Variants in G6PC2 observed in about 807,000 individuals in gnomAD.
The protein encoded by G6PC2 is glucose-6-phosphatase catalytic subunit 2.
G6PC2 carries 41 observed loss-of-function variants against 35.4 expected under a neutral mutation model. That is an observed-to-expected ratio of 1.16 (90% CI 0.90 to 1.50). The LOEUF is 1.50. G6PC2 is among the 40% of genes most tolerant of loss of function. The probability of loss-of-function intolerance (pLI) is 0.00; values close to 1 mark genes in which losing one functional copy is unlikely to be tolerated. For missense variants in G6PC2, 441 were observed against 426.5 expected (o/e 1.03, Z -0.30); for synonymous variants, 165 against 153.2 (o/e 1.08, Z -0.57).
chr2:168,907,772 C>G lies in G6PC2; in HGVS notation c.761C>G (p.Thr254Arg). 1 of 1,614,074 alleles carries G rather than the reference C, an allele frequency of 6.2e-7. No individual in the cohort carries two copies. The highest frequency in any genetic ancestry group is 2.2e-5 in the East Asian group (1 of 44,864). Residue 254 changes from threonine to arginine, a missense_variant, in exon 5 of 5, where the codon ACG becomes AGG. Thr to Arg is a moderately conservative substitution (Grantham distance 71). Transcript: ENST00000375363. ...CCCGACTGGATCCACATTGACACCACGCCTTTTGCTGGACTCGTGAGAAAC... is the reference window on the plus strand; with the variant it reads ...CCCGACTGGATCCACATTGACACCAGGCCTTTTGCTGGACTCGTGAGAAAC... ...ANPDWIHIDT[T>R]PFAGLVRNLG...
Position 168,906,689 on chromosome 2 carries a change from G to GT in G6PC2, c.472dup (p.Trp158LeufsTer37), listed in dbSNP as rs1215665817. On this transcript the variant is annotated frameshift_variant, in exon 4 of 5. Transcript: ENST00000375363. LOFTEE classifies it high-confidence loss of function. Reference sequence around the variant, plus strand: ...ACTGACCTGGTCATTTCTTTGGAGTGTTTTTTGGTTGATTCAAATCAGTGT... The same window carrying GT: ...ACTGACCTGGTCATTTCTTTGGAGTGTTTTTTTGGTTGATTCAAATCAGTGT... The GT allele has an allele frequency of 3.8e-6, 6 of 1,594,716 alleles. No individual in the cohort carries two copies. The African/African-American group carries it at 5.4e-5, about 14-fold the overall frequency.
chr2:168,904,147 G>A (rs1020129483), intron 2 of G6PC2, among the ~76,000 whole-genome samples: 1 of 151,896 alleles, frequency 6.6e-6, no homozygotes, highest in African/African-American at 2.4e-5. Context: ...AATTACTCTT[G>A]CATTAACCTA....
At chr2:168,906,331 T>A (rs1213049940) in intron 3 of G6PC2, among the ~76,000 whole-genome samples, 4 of 152,170 alleles carry the variant, frequency 2.6e-5, no homozygotes, top group Non-Finnish European at 5.9e-5. Context: ...TGGATATTAG[T>A]AATTCCCCCA....
chr2:168,902,027 C>T (rs1402150674), intron 1 of G6PC2, among the ~76,000 whole-genome samples: 4 of 152,272 alleles, frequency 2.6e-5, no homozygotes, highest in Admixed American at 6.5e-5. Context: ...TGAGCCACCA[C>T]GCCAGGCCAG....
At position 168,907,958 on chromosome 2, in the gene G6PC2, A is replaced by G; in HGVS notation, c.947A>G (p.Glu316Gly). 1 of 1,614,108 alleles carries G rather than the reference A, an allele frequency of 6.2e-7. No individual in the cohort carries two copies. The highest frequency in any genetic ancestry group is 1.1e-5 in the South Asian group (1 of 91,076). Residue 316 changes from glutamate to glycine, a missense_variant, in exon 5 of 5, where the codon GAA becomes GGA. Coordinates refer to ENST00000375363, the MANE Select transcript of G6PC2 (RefSeq NM_021176.3). ...LYHFLQIPTH[E>G]EHLFYVLSFC... The stretch of plus-strand genomic sequence containing the variant: ...CATTTCCTCCAGATCCCGACTCACG[A>G]AGAGCATTTATTTTATGTGCTGTCT...
chr2:168,903,302 TA>T (rs1424836671), intron 2 of G6PC2, among the ~76,000 whole-genome samples: 1 of 152,174 alleles, frequency 6.6e-6, no homozygotes, highest in Non-Finnish European at 1.5e-5. Flanking sequence ...TAACTTTGAG[TA>T]AAGGGTAGTA....
chr2:168,901,434 C>T lies in G6PC2; in HGVS notation c.103C>T (p.Pro35Ser). The change falls in exon 1 of 5, where the codon CCC becomes TCC. Residue 35 changes from proline (P) to serine (S), a missense_variant. By Grantham distance (74) the Pro-to-Ser change is moderately conservative (BLOSUM62 -1). Transcript: ENST00000375363. ...FLNFMSNVGD[P>S]RNIFFIYFPL... ...AAATTTTATGTCCAATGTTGGAGAC[C>T]CCAGGAATATCTTTTTCATTTATTT... The T allele has an allele frequency of 6.3e-7, 1 of 1,593,128 alleles. No individual in the cohort carries two copies. The highest frequency in any genetic ancestry group is 8.6e-7 in the Non-Finnish European group (1 of 1,160,878).
intron 2 of G6PC2, among the ~76,000 whole-genome samples, 199 bp from the exon 3 acceptor site, chr2:168,904,306 T>C (rs1690661873): frequency 6.6e-6 from 1 of 152,140 alleles, no homozygotes; most frequent in South Asian, 2.1e-4. Context: ...GAAAAAAATT[T>C]TTTGAGACAG....
chr2:168,908,346 G>A lies in G6PC2; in HGVS notation c.*267G>A. 3.8e-6 allele frequency: 2 copies of A among 529,834 alleles called. No homozygotes were observed. Among genetic ancestry groups the A allele is most frequent in the Non-Finnish European group, 6.8e-6 (2 of 295,958 alleles). The allele number at this position is 529,834 out of a possible 1,614,324, so 32.8% of individuals were successfully genotyped here. On this transcript the variant is annotated 3_prime_UTR_variant, in exon 5 of 5. Transcript: ENST00000375363. The stretch of plus-strand genomic sequence containing the variant: ...AAAAATCTGATAGTATGACAACACA[G>A]AGCCTGCATCCCCAGCTGGAGACAA...
Position 168,907,629 on chromosome 2 carries a change from A to C in G6PC2, c.618A>C (p.Thr206=). ...GCATCCAAACGGCCAGTCTGGGCACATACCTGAAGACCAACCTCTTTCTCT... is the reference window on the plus strand; with the variant it reads ...GCATCCAAACGGCCAGTCTGGGCACCTACCTGAAGACCAACCTCTTTCTCT... The part of the protein sequence containing the change: ...TPGIQTASLG[T]YLKTNLFLFL... Residue 206 remains threonine (T), a synonymous_variant, in exon 5 of 5, where the codon ACA becomes ACC. Coordinates refer to ENST00000375363, the MANE Select transcript of G6PC2 (RefSeq NM_021176.3). 2 of 1,613,986 alleles carry C rather than the reference A, an allele frequency of 1.2e-6. No individual in the cohort carries two copies. Among genetic ancestry groups the C allele is most frequent in the Non-Finnish European group, 1.7e-6 (2 of 1,179,862 alleles).
Position 168,902,509 on chromosome 2 carries a change from A to G in G6PC2, c.283A>G (p.Ser95Gly), listed in dbSNP as rs141321853. The stretch of plus-strand genomic sequence containing the variant: ...AACTCAGATTTACCCAAATCACTCA[A>G]GTCCATGCCTTGAACAGTTCCCTAC... The part of the protein sequence containing the change: ...QETQIYPNHS[S>G]PCLEQFPTTC... The change falls in exon 2 of 5, where the codon AGT becomes GGT. Residue 95 changes from serine to glycine, a missense_variant. Transcript: ENST00000375363. 2.5e-6 allele frequency: 4 copies of G among 1,587,068 alleles called. No homozygotes were observed. The highest frequency in any genetic ancestry group is 1.1e-5 in the South Asian group (1 of 90,568).
chr2:168,904,117 C>G (rs892931431), intron 2 of G6PC2, among the ~76,000 whole-genome samples: 1 of 151,692 alleles, frequency 6.6e-6, no homozygotes, highest in Non-Finnish European at 1.5e-5. Flanking sequence ...TTTGCCATTA[C>G]TTTCAATGGC....
At chr2:168,907,399 C>G (rs559355562) in intron 4 of G6PC2, among the ~76,000 whole-genome samples, 169 bp from the exon 5 acceptor site, 1 of 152,178 alleles carries the variant, frequency 6.6e-6, no homozygotes, top group African/African-American at 2.4e-5. Flanking sequence ...CGTGGGCAAA[C>G]CTGCATTTTT....
chr2:168,902,419 G>T (rs372473159), intron 1 of G6PC2, 26 bp from the exon 2 acceptor site: 2 of 857,776 alleles, frequency 2.3e-6, no homozygotes, highest in Admixed American at 3.4e-5. Flanking sequence ...AAATATATAT[G>T]CATGTTTATA....
At position 168,906,786 on chromosome 2, in the gene G6PC2, A is replaced by G. The variant is rs563271270; in HGVS notation, c.556+7A>G. The G allele has an allele frequency of 1.6e-6, 2 of 1,232,290 alleles. No homozygotes were observed. The highest frequency in any genetic ancestry group is 4.6e-5 in the East Asian group (2 of 43,148). 76.3% of individuals were successfully genotyped at this position (1,232,290 alleles called of 1,614,324 possible). Reference sequence around the variant, plus strand: ...ATTCTTGGAGTAATTGGTGGTAAATATGATCACTTACCTTTAGCTGTGTCC... The same window carrying G: ...ATTCTTGGAGTAATTGGTGGTAAATGTGATCACTTACCTTTAGCTGTGTCC... On this transcript the variant is annotated splice_region_variant and intron_variant, in intron 4 of 4. Transcript: ENST00000375363.
chr2:168,908,703 T>G lies in G6PC2; in HGVS notation c.*624T>G, dbSNP rs1223084417. ...TGCACATGCTTTTTGTTTGTATGTT[T>G]CCTTTTTAGAACCAGGGACTTGCTC... On this transcript the variant is annotated 3_prime_UTR_variant, in exon 5 of 5. Coordinates refer to ENST00000375363, the MANE Select transcript of G6PC2 (RefSeq NM_021176.3). 6.4e-6 allele frequency: 1 copy of G among 156,332 alleles called. No homozygotes were observed. Among genetic ancestry groups the G allele is most frequent in the Admixed American group, 6.2e-5 (1 of 16,162 alleles). The allele number at this position is 156,332 out of a possible 1,614,324, so 9.7% of individuals were successfully genotyped here. A position where few individuals can be genotyped will look rare whatever the true frequency, so the allele number is the denominator to read the frequency against.
chr2:168,904,371 A>T, intron 2 of G6PC2, 134 bp from the exon 3 acceptor site: 1 of 756,626 alleles, frequency 1.3e-6, no homozygotes, highest in Non-Finnish European at 2.4e-6. Flanking sequence ...ACTTCTAAAC[A>T]TTACATATAG....
At position 168,901,423 on chromosome 2, in the gene G6PC2, A is replaced by T. The variant is rs375350062; in HGVS notation, c.92A>T (p.Asn31Ile). The change falls in exon 1 of 5, where the codon AAT becomes ATT. Residue 31 changes from asparagine to isoleucine, a missense_variant. Transcript: ENST00000375363. ...TACACTTTTCTAAATTTTATGTCCA[A>T]TGTTGGAGACCCCAGGAATATCTTT... ...AYYTFLNFMSNVGDPRNIFFI... is the reference protein window; with the variant it reads ...AYYTFLNFMSIVGDPRNIFFI... 8 of 1,597,338 alleles carry T rather than the reference A, an allele frequency of 5.0e-6. No individual in the cohort carries two copies. The highest frequency in any genetic ancestry group is 6.9e-6 in the Non-Finnish European group (8 of 1,164,646).
At chr2:168,906,179 T>C (rs780678514) in intron 3 of G6PC2, among the ~76,000 whole-genome samples, 19 of 151,578 alleles carry the variant, frequency 1.3e-4, no homozygotes, top group Non-Finnish European at 4.4e-5. Context: ...ATGAAAAAAT[T>C]TGCCCCAGAT....
Sources: gnomAD v4.1 joint callset for allele counts (sites outside exome capture counted in the v4.1 genomes callset) on GRCh38, gnomAD v4.1.1 for gene constraint, MANE v1.5 for transcripts, NCBI Gene and HGNC (gene_info 2026-07-23, HGNC 2026-07-21) for gene names.